FRMD4A: variants seen among roughly 807,000 people sequenced by gnomAD.
FRMD4A encodes FERM domain containing 4A.
Under a neutral mutation model 129.1 loss-of-function variants are expected in FRMD4A, and 29 were observed. The observed-to-expected ratio is 0.22, with a 90% confidence interval of 0.17 to 0.31. The LOEUF (loss-of-function observed/expected upper bound fraction) is 0.31. Ranked by LOEUF, FRMD4A falls within the 10% of genes least tolerant of loss-of-function variation. The pLI is 1.00. For synonymous variants in FRMD4A, 634 were observed against 571.6 expected, an observed-to-expected ratio of 1.11 and a Z score of -1.56; for missense variants, 1,272 against 1,375.8, an observed-to-expected ratio of 0.92 and a Z score of 1.19.
At chr10:13,967,190 A>G (rs899856308) in intron 2 of FRMD4A, among the ~76,000 whole-genome samples, 1 of 152,214 alleles carries the variant, frequency 6.6e-6, no homozygotes, top group Non-Finnish European at 1.5e-5. Context: ...CAAAAAAATT[A>G]GCCAGGCTTG....
intron 2 of FRMD4A, among the ~76,000 whole-genome samples, chr10:14,321,471 T>C (rs1043182946): frequency 2.6e-5 from 4 of 152,098 alleles, no homozygotes; most frequent in African/African-American, 9.7e-5. Flanking sequence ...ATATCATTTG[T>C]CAGGGAAGGA....
Position 13,756,715 on chromosome 10 carries a change from A to C in FRMD4A, c.464+4932T>G, listed in dbSNP as rs144404039. ...GCGGCACATTTTTAGAAAGATCAGA[A>C]GGGCTGGCAGAGGTGAAGTGATTCT... On this transcript the variant is annotated intron_variant, in intron 8 of 24. Coordinates refer to ENST00000357447, the MANE Select transcript of FRMD4A (RefSeq NM_018027.5). Among the ~76,000 whole-genome samples, 359 of 152,294 alleles carry C rather than the reference A, an allele frequency of 2.4e-3. 3 individuals carry two copies. Among genetic ancestry groups the C allele is most frequent in the African/African-American group, 7.6e-3 (315 of 41,568 alleles).
intron 2 of FRMD4A, among the ~76,000 whole-genome samples, chr10:13,877,133 G>A (rs1418374506): frequency 1.3e-5 from 2 of 152,096 alleles, no homozygotes; most frequent in South Asian, 2.1e-4. Context: ...GCCTCCCAGG[G>A]AGGTGTGGAG....
At chr10:14,293,093 G>T (rs1458582608) in intron 2 of FRMD4A, among the ~76,000 whole-genome samples, 1 of 152,174 alleles carries the variant, frequency 6.6e-6, no homozygotes, top group Admixed American at 6.6e-5. Context: ...TATTGCTATG[G>T]TTTGAATGTG....
At chr10:14,127,992 CTCTCTCT>C (rs1838982588) in intron 2 of FRMD4A, among the ~76,000 whole-genome samples, 1 of 123,244 alleles carries the variant, frequency 8.1e-6, no homozygotes, top group African/African-American at 3.7e-5. Context: ...CTCTCTCTCT[CTCTCTCT>C]CTTTCTTTCT....
At chr10:13,833,955 T>C (rs966934232) in intron 3 of FRMD4A, among the ~76,000 whole-genome samples, 1 of 151,992 alleles carries the variant, frequency 6.6e-6, no homozygotes, top group African/African-American at 2.4e-5. Flanking sequence ...ATGTGTAAGC[T>C]GATTTGAAAA....
At chr10:13,758,581 TAGG>T (rs1270904031) in intron 8 of FRMD4A, among the ~76,000 whole-genome samples, 1 of 152,194 alleles carries the variant, frequency 6.6e-6, no homozygotes, top group Non-Finnish European at 1.5e-5. Context: ...ACATGTGCAC[TAGG>T]AGAAGGGGGT....
At chr10:14,162,047 CAAAT>C (rs1163254268) in intron 2 of FRMD4A, among the ~76,000 whole-genome samples, 2 of 150,626 alleles carry the variant, frequency 1.3e-5, no homozygotes, top group African/African-American at 2.4e-5. Context: ...TTTATTTAGA[CAAAT>C]AAATCTAATA....
chr10:13,927,424 T>A (rs1253001028), intron 2 of FRMD4A, among the ~76,000 whole-genome samples: 4 of 152,248 alleles, frequency 2.6e-5, no homozygotes, highest in Non-Finnish European at 4.4e-5. Flanking sequence ...GCTTGAAGAT[T>A]GATTTTTACA....
At chr10:14,270,938 G>C (rs1845143472) in intron 2 of FRMD4A, among the ~76,000 whole-genome samples, 1 of 152,182 alleles carries the variant, frequency 6.6e-6, no homozygotes. Flanking sequence ...TATAAAAAAA[G>C]AGATTTAATT....
At chr10:13,926,180 C>T (rs1347723255) in intron 2 of FRMD4A, among the ~76,000 whole-genome samples, 1 of 152,138 alleles carries the variant, frequency 6.6e-6, no homozygotes, top group Non-Finnish European at 1.5e-5. Flanking sequence ...AGAAATGGAA[C>T]AGAAGAGAAA....
chr10:13,670,908 G>A (rs61280227), intron 16 of FRMD4A, among the ~76,000 whole-genome samples: 9,012 of 152,180 alleles, frequency 0.059, 766 homozygotes, highest in African/African-American at 0.19. Flanking sequence ...AGCAGTGTCA[G>A]CGTGAGTTCT....
chr10:13,719,020 C>T (rs925352571), intron 12 of FRMD4A, among the ~76,000 whole-genome samples: 1 of 152,162 alleles, frequency 6.6e-6, no homozygotes, highest in African/African-American at 2.4e-5. Context: ...GCTATTATGA[C>T]AACTGAAGTT....
intron 2 of FRMD4A, among the ~76,000 whole-genome samples, chr10:14,155,375 G>T (rs906971206): frequency 2.0e-5 from 3 of 152,170 alleles, no homozygotes; most frequent in Non-Finnish European, 4.4e-5. Flanking sequence ...GACAGTACTG[G>T]TAAGAGTCAC....
At chr10:13,879,937 C>A (rs921891280) in intron 2 of FRMD4A, among the ~76,000 whole-genome samples, 1 of 151,914 alleles carries the variant, frequency 6.6e-6, no homozygotes, top group East Asian at 1.9e-4. Context: ...TGAGCCACCA[C>A]GCTTGGCTGT....
At chr10:13,827,831 G>A (rs1260049071) in intron 3 of FRMD4A, among the ~76,000 whole-genome samples, 1 of 152,170 alleles carries the variant, frequency 6.6e-6, no homozygotes, top group African/African-American at 2.4e-5. Flanking sequence ...AGAGGAGGAG[G>A]GAGAAGGGGC....
intron 2 of FRMD4A, among the ~76,000 whole-genome samples, chr10:14,046,005 TTCA>T (rs1833978764): frequency 6.6e-6 from 1 of 150,502 alleles, no homozygotes; most frequent in Admixed American, 6.6e-5. Flanking sequence ...TACATATGTA[TTCA>T]TATTATACAT....
At chr10:14,166,002 C>G (rs1485032207) in intron 2 of FRMD4A, among the ~76,000 whole-genome samples, 2 of 151,854 alleles carry the variant, frequency 1.3e-5, no homozygotes, top group Admixed American at 6.6e-5. Flanking sequence ...CCCCCTGAAT[C>G]TGAAGTTAGA....
intron 2 of FRMD4A, among the ~76,000 whole-genome samples, chr10:14,264,117 A>G (rs1403071404): frequency 6.6e-6 from 1 of 152,188 alleles, no homozygotes. Flanking sequence ...GCTTTACAAG[A>G]TTACCTCATT....
Sources: gnomAD v4.1 joint callset for allele counts (sites outside exome capture counted in the v4.1 genomes callset) on GRCh38, gnomAD v4.1.1 for gene constraint, MANE v1.5 for transcripts, NCBI Gene and HGNC (gene_info 2026-07-23, HGNC 2026-07-21) for gene names.